Variants in COL21A1 observed in about 807,000 individuals in gnomAD.
COL21A1 encodes collagen type XXI alpha 1 chain, also known as collagen alpha-1(XXI) chain.
COL21A1 carries 149 observed loss-of-function variants against 137.9 expected under a neutral mutation model. That is an observed-to-expected ratio of 1.08 (90% CI 0.95 to 1.24). COL21A1 has a LOEUF of 1.24. COL21A1 is among the 50% of genes most tolerant of loss of function. The probability of loss-of-function intolerance (pLI) is 0.00; values close to 1 mark genes in which losing one functional copy is unlikely to be tolerated. For synonymous variants in COL21A1, 456 were observed against 391.5 expected (o/e 1.16, Z -1.95); for missense variants, 1,167 against 1,158.4 (o/e 1.01, Z -0.11).
chr6:56,098,828 G>A (rs1770140224), intron 17 of COL21A1, among the ~76,000 whole-genome samples: 1 of 145,860 alleles, frequency 6.9e-6, no homozygotes, highest in Middle Eastern at 3.2e-3. Context: ...CGATTCTCCT[G>A]CCTCAGCCTC....
At chr6:56,287,731 G>A (rs1763949326) in intron 1 of COL21A1, among the ~76,000 whole-genome samples, 1 of 152,034 alleles carries the variant, frequency 6.6e-6, no homozygotes, top group African/African-American at 2.4e-5. Flanking sequence ...CTAATACAGA[G>A]GAAATAAGAT....
intron 16 of COL21A1, among the ~76,000 whole-genome samples, chr6:56,113,541 G>C (rs144726897): frequency 1.3e-5 from 2 of 152,100 alleles, no homozygotes; most frequent in Non-Finnish European, 2.9e-5. Flanking sequence ...AGAGCCCTTG[G>C]GCCCTGAATA....
chr6:56,303,659 C>A (rs1764359057), intron 1 of COL21A1, among the ~76,000 whole-genome samples: 1 of 152,152 alleles, frequency 6.6e-6, no homozygotes, highest in Non-Finnish European at 1.5e-5. Context: ...TCTAGATATA[C>A]AATCATGTCA....
chr6:56,124,081 A>G lies in COL21A1; in HGVS notation c.1739T>C (p.Met580Thr). Reference sequence around the variant, plus strand: ...AAATACCTTGAAACCGGGACTACCCATTAATCCATCCTTTCCATGTCTTCC... The same window carrying G: ...AAATACCTTGAAACCGGGACTACCCGTTAATCCATCCTTTCCATGTCTTCC... ...EPGRHGKDGLMGSPGFKGEAG... is the reference protein window; with the variant it reads ...EPGRHGKDGLTGSPGFKGEAG... Residue 580 changes from methionine to threonine, a missense_variant, in exon 16 of 30, where the codon ATG (methionine) becomes ACG (threonine). By Grantham distance (81) the Met-to-Thr change is moderately conservative (BLOSUM62 -1). Transcript: ENST00000244728. The G allele has an allele frequency of 6.5e-7, 1 of 1,529,442 alleles. No homozygotes were observed. The allele number at this position is 1,529,442 out of a possible 1,614,324, so 94.7% of individuals were successfully genotyped here.
At chr6:56,129,718 G>GAC (rs1465085837) in intron 12 of COL21A1, among the ~76,000 whole-genome samples, 3 of 148,944 alleles carry the variant, frequency 2.0e-5, no homozygotes, top group South Asian at 2.2e-4. Flanking sequence ...GAGAGAGAGA[G>GAC]AGAGACAGAC....
At chr6:56,191,449 G>T (rs1166140614) in intron 1 of COL21A1, among the ~76,000 whole-genome samples, 2 of 151,456 alleles carry the variant, frequency 1.3e-5, no homozygotes, top group African/African-American at 4.9e-5. Flanking sequence ...AAAAAAAGTC[G>T]GGTGTGGTGG....
intron 16 of COL21A1, among the ~76,000 whole-genome samples, chr6:56,120,787 T>C (rs1348872902): frequency 7.5e-6 from 1 of 132,874 alleles, no homozygotes; most frequent in Non-Finnish European, 1.6e-5. Context: ...AGAGCAAAAC[T>C]CTGTCTCAAT....
intron 1 of COL21A1, among the ~76,000 whole-genome samples, chr6:56,223,980 T>C (rs2152313941): frequency 6.6e-6 from 1 of 152,234 alleles, no homozygotes; most frequent in South Asian, 2.1e-4. Flanking sequence ...GGAGACAGTG[T>C]CTCTCTCCTG....
intron 1 of COL21A1, among the ~76,000 whole-genome samples, chr6:56,376,742 G>T (rs898197202): frequency 2.0e-5 from 3 of 151,892 alleles, no homozygotes; most frequent in African/African-American, 7.3e-5. Context: ...ATAGGATAGG[G>T]GTCTTGAGAT....
intron 1 of COL21A1, among the ~76,000 whole-genome samples, chr6:56,332,587 C>CCCT (rs1313849056): frequency 2.7e-5 from 4 of 148,104 alleles, no homozygotes; most frequent in African/African-American, 1.0e-4. Flanking sequence ...ATAGCCCCCC[C>CCCT]GCCCCCGCCA....
At chr6:56,282,334 T>C (rs1311239186) in intron 1 of COL21A1, among the ~76,000 whole-genome samples, 1 of 150,636 alleles carries the variant, frequency 6.6e-6, no homozygotes, top group Non-Finnish European at 1.5e-5. Flanking sequence ...TTTCTTCTTG[T>C]ACATTAAGAT....
At position 56,096,691 on chromosome 6, in the gene COL21A1, G is replaced by A. The variant is rs558823914; in HGVS notation, c.1812+4781C>T. On this transcript the variant is annotated intron_variant, in intron 17 of 29. Coordinates refer to ENST00000244728, the MANE Select transcript of COL21A1 (RefSeq NM_030820.4). ...TCATATGTATCAATCTGCTTACAGG[G>A]ATGAATCACCATTAAACTGACATAA... is the stretch of plus-strand genomic sequence containing the variant. Among the ~76,000 whole-genome samples, 154 of 152,220 alleles carry A rather than the reference G, an allele frequency of 1.0e-3. 2 individuals are homozygous for A. The South Asian group carries it at 0.031, about 30-fold the overall frequency.
chr6:56,178,884 A>G (rs978510216), intron 3 of COL21A1, among the ~76,000 whole-genome samples: 4 of 152,152 alleles, frequency 2.6e-5, no homozygotes, highest in African/African-American at 9.6e-5. Context: ...CCAACTTTAA[A>G]AATGTCAGTA....
chr6:56,233,743 CA>C (rs35925060), intron 1 of COL21A1, among the ~76,000 whole-genome samples: 2,658 of 146,070 alleles, frequency 0.018, 94 homozygotes, highest in African/African-American at 0.063. Context: ...CTTGAATAGG[CA>C]AAAAAAAAAG....
chr6:56,266,133 T>C (rs375179929), intron 1 of COL21A1, among the ~76,000 whole-genome samples: 3 of 152,216 alleles, frequency 2.0e-5, no homozygotes, highest in East Asian at 1.9e-4. Flanking sequence ...TTAATGCTGA[T>C]GACAAAAGAC....
chr6:56,293,363 T>C (rs1278582919), intron 1 of COL21A1, among the ~76,000 whole-genome samples: 1 of 152,150 alleles, frequency 6.6e-6, no homozygotes, highest in Non-Finnish European at 1.5e-5. Context: ...AATTTTCAGG[T>C]TTTTTAAAGT....
intron 12 of COL21A1, among the ~76,000 whole-genome samples, chr6:56,135,320 G>T (rs549043363): frequency 1.3e-5 from 2 of 151,700 alleles, no homozygotes; most frequent in Non-Finnish European, 2.9e-5. Flanking sequence ...TGAGAAAACC[G>T]GCAAATTACA....
chr6:56,298,567 A>G (rs1422249711), intron 1 of COL21A1, among the ~76,000 whole-genome samples: 1 of 152,038 alleles, frequency 6.6e-6, no homozygotes, highest in African/African-American at 2.4e-5. Flanking sequence ...ATAAGGAGTG[A>G]AAAGGACACC....
chr6:56,098,696 AATAT>A (rs1260833499), intron 17 of COL21A1, among the ~76,000 whole-genome samples: 11 of 44,582 alleles, frequency 2.5e-4, no homozygotes, highest in South Asian at 4.9e-4. Flanking sequence ...TAAATATATA[AATAT>A]ATATATAAAT....
Sources: allele counts gnomAD v4.1 joint callset (sites outside exome capture counted in the v4.1 genomes callset), GRCh38; gene constraint gnomAD v4.1.1; transcripts MANE v1.5; gene names NCBI Gene and HGNC (gene_info 2026-07-23, HGNC 2026-07-21).